Variants in EPM2A observed in about 807,000 individuals in gnomAD.
EPM2A encodes laforin.
EPM2A carries 21 observed loss-of-function variants against 26.5 expected under a neutral mutation model. That is an observed-to-expected ratio of 0.79 (90% CI 0.56 to 1.14). The LOEUF (loss-of-function observed/expected upper bound fraction) is 1.14. EPM2A is among the 50% of genes most tolerant of loss of function. EPM2A has a pLI of 0.00. For synonymous variants in EPM2A, 217 were observed against 177.6 expected (o/e 1.22, Z -1.76); for missense variants, 458 against 440.8 (o/e 1.04, Z -0.35).
chr6:145,468,279 A>G (rs1045164696), intron 4 of EPM2A, among the ~76,000 whole-genome samples: 32 of 152,156 alleles, frequency 2.1e-4, no homozygotes, highest in African/African-American at 7.7e-4. Context: ...AAAATATGAT[A>G]CTGTGCATGA....
rs5880647 is a variant in EPM2A, at chr6:145,541,177, CTGTGTGTGTGTG to C, written c.341-38614_341-38603del. Among the ~76,000 whole-genome samples, 82 of 147,244 alleles carry C rather than the reference CTGTGTGTGTGTG, an allele frequency of 5.6e-4. 1 individual carries two copies. The highest frequency in any genetic ancestry group is 8.6e-4 in the South Asian group (4 of 4,632). On this transcript the variant is annotated intron_variant, in intron 2 of 3. Transcript: ENST00000450221. Reference sequence around the variant, plus strand: ...TTTAACTATTTGGGAATATATATATCTGTGTGTGTGTGTGTGTGTGTGTGTGTGTGTGTACCA... The same window carrying C: ...TTTAACTATTTGGGAATATATATATCTGTGTGTGTGTGTGTGTGTGTACCA...
rs1582871187 is a variant in EPM2A, at chr6:145,579,370, C to G, written c.340+55875G>C. ...CAGTGAAGCTGACACATAAAATTAA[C>G]CATCACAAAGTACATACACATTAAA... is the stretch of plus-strand genomic sequence containing the variant. On this transcript the variant is annotated intron_variant, in intron 2 of 3. Coordinates refer to the EPM2A transcript ENST00000450221. Among the ~76,000 whole-genome samples, 3 of 152,126 alleles carry G rather than the reference C, an allele frequency of 2.0e-5. No individual in the cohort carries two copies. The East Asian group carries it at 5.8e-4, about 29-fold the overall frequency.
In EPM2A at chr6:145,470,024, A is replaced by T. The variant is rs1450717291; in HGVS notation, c.555+32498T>A. ...AGAACTATGATTCCCAGAGGCTGGGAAGGGTAGTGGTAGGGGTAGGGGGAA... is the reference window on the plus strand; with the variant it reads ...AGAACTATGATTCCCAGAGGCTGGGTAGGGTAGTGGTAGGGGTAGGGGGAA... On this transcript the variant is annotated intron_variant, in intron 4 of 4. Transcript: ENST00000638717. 4.6e-5 allele frequency among the ~76,000 whole-genome samples: 7 copies of T among 152,210 alleles called. No homozygotes were observed. In the East Asian group the frequency reaches 1.4e-3, roughly 29 times the overall value.
chr6:145,594,971 T>TG (rs1781322091), intron 2 of EPM2A, among the ~76,000 whole-genome samples: 1 of 151,780 alleles, frequency 6.6e-6, no homozygotes, highest in Non-Finnish European at 1.5e-5. Context: ...TTGTCCCAAT[T>TG]TTTTTTTCTT....
intron 2 of EPM2A, among the ~76,000 whole-genome samples, chr6:145,596,364 T>G (rs902322446): frequency 1.1e-4 from 17 of 152,212 alleles, no homozygotes; most frequent in African/African-American, 3.9e-4. Flanking sequence ...CCTCCAGATC[T>G]CTAAACAATA....
intron 2 of EPM2A, among the ~76,000 whole-genome samples, chr6:145,673,556 C>G (rs1779806717): frequency 6.6e-6 from 1 of 152,210 alleles, no homozygotes; most frequent in South Asian, 2.1e-4. Flanking sequence ...CCTGGAAAAA[C>G]AGGACACTTT....
intron 2 of EPM2A, among the ~76,000 whole-genome samples, chr6:145,525,011 T>C (rs1780251270): frequency 6.6e-6 from 1 of 152,124 alleles, no homozygotes; most frequent in African/African-American, 2.4e-5. Flanking sequence ...CTCAGCACAG[T>C]TTATTGAATA....
intron 2 of EPM2A, among the ~76,000 whole-genome samples, chr6:145,587,181 A>G (rs550158711): frequency 6.6e-6 from 1 of 152,342 alleles, no homozygotes; most frequent in Admixed American, 6.5e-5. Context: ...TGGTAATAAC[A>G]TAATATAACA....
intron 4 of EPM2A, among the ~76,000 whole-genome samples, chr6:145,493,448 C>A (rs1779779662): frequency 6.6e-6 from 1 of 152,222 alleles, no homozygotes; most frequent in South Asian, 2.1e-4. Context: ...GATAGTTTGA[C>A]TTCCTCTCCT....
At chr6:145,670,177 T>C (rs182384037) in intron 2 of EPM2A, among the ~76,000 whole-genome samples, 230 of 152,334 alleles carry the variant, frequency 1.5e-3, no homozygotes, top group South Asian at 4.8e-3. Context: ...AATATTCTGC[T>C]ATGGCTCCCA....
At chr6:145,712,848 C>T (rs1002954959) in intron 1 of EPM2A, among the ~76,000 whole-genome samples, 2 of 152,116 alleles carry the variant, frequency 1.3e-5, no homozygotes, top group Non-Finnish European at 2.9e-5. Context: ...TTTGGCTTGG[C>T]TCTTTCTGAC....
At chr6:145,448,549 G>A (rs563026650) in intron 4 of EPM2A, among the ~76,000 whole-genome samples, 1 of 152,230 alleles carries the variant, frequency 6.6e-6, no homozygotes, top group African/African-American at 2.4e-5. Flanking sequence ...AATGCAAGGG[G>A]AGAACTTTTA....
intron 2 of EPM2A, among the ~76,000 whole-genome samples, chr6:145,645,325 T>C (rs1466577849): frequency 1.3e-5 from 2 of 152,292 alleles, no homozygotes; most frequent in East Asian, 3.9e-4. Context: ...GTTGTTGTTA[T>C]GAGACAGGGG....
At position 145,514,006 on chromosome 6, in the gene EPM2A, T is replaced by C. The variant is rs114338114; in HGVS notation, c.341-11431A>G. On this transcript the variant is annotated intron_variant, in intron 2 of 3. Transcript: ENST00000450221. ...CTCACAGCTGAACTGGTGGTGCACC[T>C]GGTAGCTTTCACAGTGGGAGAGAGA... Among the ~76,000 whole-genome samples the C allele has an allele frequency of 2.4e-3, 359 of 152,320 alleles. 6 individuals carry two copies. The highest frequency in any genetic ancestry group is 8.2e-3 in the African/African-American group (342 of 41,580).
rs540037310 is a variant in EPM2A at position 145,697,337 on chromosome 6, C to T, written c.302-11041G>A. 2.6e-5 allele frequency among the ~76,000 whole-genome samples: 4 copies of T among 152,180 alleles called. No homozygotes were observed. In the South Asian group the frequency reaches 8.3e-4, roughly 32 times the overall value. On this transcript the variant is annotated intron_variant, in intron 1 of 3. Coordinates refer to ENST00000367519, the MANE Select transcript of EPM2A (RefSeq NM_005670.4). ...GGGTGTGGGTCACAGAGATCACATG[C>T]TTCACATGGTAATAAGATATCACAA...
chr6:145,629,963 G>A (rs1364418598), intron 3 of EPM2A: 1 of 152,266 alleles, frequency 6.6e-6, no homozygotes, highest in Non-Finnish European at 1.5e-5. Context: ...TCCCAGTCAA[G>A]ATCCCTTCCC....
At chr6:145,499,780 T>C (rs1779864054), downstream of EPM2A, among the ~76,000 whole-genome samples, 3 of 152,226 alleles carry the variant, frequency 2.0e-5, no homozygotes, top group African/African-American at 4.8e-5. Flanking sequence ...TTTTTATATA[T>C]TGTCTTTATA....
At chr6:145,717,624 T>C (rs1478604808) in intron 1 of EPM2A, among the ~76,000 whole-genome samples, 2 of 152,086 alleles carry the variant, frequency 1.3e-5, no homozygotes, top group Non-Finnish European at 2.9e-5. Context: ...CCACGGCAAT[T>C]AGGCAGGAGA....
At chr6:145,649,057 T>C (rs1389688084) in intron 2 of EPM2A, among the ~76,000 whole-genome samples, 1 of 152,190 alleles carries the variant, frequency 6.6e-6, no homozygotes, top group Non-Finnish European at 1.5e-5. Context: ...ATTATGCTTG[T>C]GACCTTTGCA....
Sources: allele counts gnomAD v4.1 joint callset (sites outside exome capture counted in the v4.1 genomes callset), GRCh38; gene constraint gnomAD v4.1.1; transcripts MANE v1.5; gene names NCBI Gene and HGNC (gene_info 2026-07-23, HGNC 2026-07-21).